GID4: variants seen among roughly 807,000 people sequenced by gnomAD.
The protein encoded by GID4 is glucose-induced degradation protein 4 homolog.
Under a neutral mutation model 32.4 loss-of-function variants are expected in GID4, and 7 were observed. The ratio of observed to expected loss-of-function variants is 0.22; its 90% CI spans 0.12 to 0.41. The LOEUF is 0.41. Ranked by LOEUF, GID4 falls within the 10% of genes least tolerant of loss-of-function variation. The pLI is 1.00. For synonymous variants in GID4, 166 were observed against 170.0 expected (o/e 0.98, Z 0.18); for missense variants, 309 against 400.0 (o/e 0.77, Z 1.94).
chr17:18,057,296 G>A (rs2044978327), intron 3 of GID4: 2 of 382,756 alleles, frequency 5.2e-6, no homozygotes, highest in South Asian at 2.6e-5. Flanking sequence ...ACCAGGCATG[G>A]TGGCACACAC....
At chr17:18,064,010 T>C (rs2142156003) in intron 5 of GID4, among the ~76,000 whole-genome samples, 1 of 152,346 alleles carries the variant, frequency 6.6e-6, no homozygotes, top group Non-Finnish European at 1.5e-5. Context: ...CCCAAAGTGC[T>C]GGGATTATAG....
chr17:18,040,182 G>A (rs906558681), intron 1 of GID4, among the ~76,000 whole-genome samples: 1 of 152,134 alleles, frequency 6.6e-6, no homozygotes, highest in Non-Finnish European at 1.5e-5. Context: ...CTGGGATCCG[G>A]AAGCCCCTCA....
intron 2 of GID4, among the ~76,000 whole-genome samples, chr17:18,045,911 G>GA (rs957080536): frequency 6.7e-6 from 1 of 149,526 alleles, no homozygotes; most frequent in African/African-American, 2.5e-5. Context: ...AAAAAAGAAA[G>GA]AAAAAAAAGG....
intron 5 of GID4, among the ~76,000 whole-genome samples, chr17:18,062,933 G>A (rs1411317077): frequency 6.6e-6 from 1 of 151,402 alleles, no homozygotes; most frequent in Non-Finnish European, 1.5e-5. Flanking sequence ...AATTAGCCAG[G>A]CATGGTGACA....
rs2045020751 is a variant in GID4, at chr17:18,061,942, T to C, written c.806T>C (p.Ile269Thr). ...TGCTTTCAGAAGTCAGCAGCCTCCATAGAGGGCTACTACTACCATAGGAGT... is the reference window on the plus strand; with the variant it reads ...TGCTTTCAGAAGTCAGCAGCCTCCACAGAGGGCTACTACTACCATAGGAGT... ...YICFQKSAAS[I>T]EGYYYHRSSE... Residue 269 changes from isoleucine (I) to threonine (T), a missense_variant, in exon 5 of 6, where the codon ATA becomes ACA. Ile to Thr is a moderately conservative substitution (Grantham distance 89). Around this residue, in one of 2 missense-constraint regions of GID4, gnomAD observed 116 missense variants for 214.2 expected, o/e 0.54. Transcript: ENST00000268719. This position sits in a 1 kb window ranked among gnomAD's most constrained non-coding sequence, Gnocchi z 4.4. 6.2e-7 allele frequency: 1 copy of C among 1,613,796 alleles called. No homozygotes were observed. The highest frequency in any genetic ancestry group is 8.5e-7 in the Non-Finnish European group (1 of 1,179,896).
At chr17:18,059,089 G>A (rs1015434281) in intron 4 of GID4, 120 bp downstream of exon 4, 2 of 630,218 alleles carry the variant, frequency 3.2e-6, no homozygotes, top group Non-Finnish European at 2.9e-6. Flanking sequence ...GGTTGTCATG[G>A]CAAAGTCTTC....
chr17:18,049,670 G>T (rs1200784179), intron 2 of GID4, among the ~76,000 whole-genome samples: 2 of 151,106 alleles, frequency 1.3e-5, no homozygotes, highest in Non-Finnish European at 2.9e-5. Context: ...ATGAAGTCTC[G>T]CTCTGTTGCC....
At chr17:18,051,727 T>C (rs952152810) in intron 2 of GID4, among the ~76,000 whole-genome samples, 5 of 151,704 alleles carry the variant, frequency 3.3e-5, no homozygotes, top group Admixed American at 2.6e-4. Context: ...GGTGCTGATT[T>C]ATTGAGAACT....
intron 2 of GID4, 109 bp downstream of exon 2, chr17:18,045,315 G>A (rs544217531): frequency 5.5e-6 from 4 of 722,342 alleles, no homozygotes; most frequent in South Asian, 1.7e-5. Flanking sequence ...AATTAAAGCA[G>A]ACTACTCCTG....
chr17:18,047,138 TCTC>T (rs2044862143), intron 2 of GID4, among the ~76,000 whole-genome samples: 1 of 152,194 alleles, frequency 6.6e-6, no homozygotes, highest in Non-Finnish European at 1.5e-5. Flanking sequence ...TGATTAAGGA[TCTC>T]CTATGAAGTT....
In GID4 at chr17:18,068,379, A is replaced by AT. The variant is rs1567591298; in HGVS notation, c.*3136_*3137insT. On this transcript the variant is annotated 3_prime_UTR_variant, in exon 6 of 6. Transcript: ENST00000268719. ...CTATCAATGTCCAAATAATTTAAAA[A>AT]AAAAAATAAAGGTATTTAAGCAGTG... is the stretch of plus-strand genomic sequence containing the variant. 4 of 152,354 alleles carry AT rather than the reference A, an allele frequency of 2.6e-5. No homozygotes were observed. The highest frequency in any genetic ancestry group is 5.9e-5 in the Non-Finnish European group (4 of 67,964). The allele number at this position is 152,354 out of a possible 1,614,324, so 9.4% of individuals were successfully genotyped here.
intron 2 of GID4, among the ~76,000 whole-genome samples, chr17:18,048,881 G>T (rs1183312645): frequency 6.6e-6 from 1 of 150,862 alleles, no homozygotes; most frequent in Non-Finnish European, 1.5e-5. Context: ...GACCTCAGAT[G>T]AACCACCCAC....
At chr17:18,064,717 T>C (rs780958552) in intron 5 of GID4, among the ~76,000 whole-genome samples, 1 of 152,164 alleles carries the variant, frequency 6.6e-6, no homozygotes, top group Non-Finnish European at 1.5e-5. Flanking sequence ...AAATACAGTT[T>C]AAGGCAGTAG....
At chr17:18,046,223 C>G (rs1404937111) in intron 2 of GID4, among the ~76,000 whole-genome samples, 2 of 152,182 alleles carry the variant, frequency 1.3e-5, no homozygotes, top group African/African-American at 2.4e-5. Flanking sequence ...TGGAAAGGAG[C>G]TGGGGTGGCA....
At chr17:18,046,107 G>A (rs141185640) in intron 2 of GID4, among the ~76,000 whole-genome samples, 1 of 152,310 alleles carries the variant, frequency 6.6e-6, no homozygotes, top group African/African-American at 2.4e-5. Flanking sequence ...CGAATGCTGG[G>A]AATGCCCAGG....
rs1258397473 is a variant in GID4, at chr17:18,039,742, C to T, written c.278C>T (p.Pro93Leu). The T allele has an allele frequency of 3.9e-6, 6 of 1,543,856 alleles. No homozygotes were observed. The highest frequency in any genetic ancestry group is 2.2e-4 in the Middle Eastern group (1 of 4,604). Residue 93 changes from proline (P) to leucine (L), a missense_variant, in exon 1 of 6, where the codon CCG (proline) becomes CTG (leucine). Physicochemically the swap from Pro to Leu is moderately conservative, Grantham distance 98. Around this residue, in one of 2 missense-constraint regions of GID4, gnomAD observed 193 missense variants for 185.8 expected, o/e 1.04. Transcript: ENST00000268719. The surrounding 1 kb of genome is among the most constrained non-coding windows in gnomAD (Gnocchi z 5.3). ...AMPVRTECPP[P>L]AGASAASAAS... ...CCGGTCCGCACCGAGTGTCCCCCGC[C>T]GGCCGGTGCCTCCGCTGCCTCCGCG...
intron 4 of GID4, among the ~76,000 whole-genome samples, chr17:18,060,521 A>G (rs1291472836): frequency 1.3e-5 from 2 of 152,132 alleles, no homozygotes; most frequent in African/African-American, 4.8e-5. Flanking sequence ...GAAACATGTC[A>G]ACTAAACAAC....
chr17:18,055,609 G>C (rs1166665029), intron 3 of GID4, among the ~76,000 whole-genome samples: 1 of 151,302 alleles, frequency 6.6e-6, no homozygotes, highest in Admixed American at 6.6e-5. Context: ...CCACCTCCGC[G>C]CCCCAAGTAG....
At chr17:18,053,271 C>T (rs2044931959) in intron 2 of GID4, among the ~76,000 whole-genome samples, 1 of 150,222 alleles carries the variant, frequency 6.7e-6, no homozygotes, top group South Asian at 2.1e-4. Flanking sequence ...CCTCGGCCTC[C>T]CAAAGTGCTG....
Sources: gnomAD v4.1 joint callset for allele counts (sites outside exome capture counted in the v4.1 genomes callset) on GRCh38, gnomAD v4.1.1 for gene constraint, gnomAD v4.1.1 regional missense constraint, Gnocchi (gnomAD v3.1) non-coding constraint, MANE v1.5 for transcripts, NCBI Gene and HGNC (gene_info 2026-07-23, HGNC 2026-07-21) for gene names.